Variants in ADGRL3 observed in about 807,000 individuals in gnomAD.
ADGRL3 encodes the protein calcium-independent alpha-latrotoxin receptor 3.
A neutral mutation model predicts 153.5 loss-of-function variants in ADGRL3; 62 were observed. The observed-to-expected ratio is 0.40, with a 90% CI of 0.33 to 0.50. The LOEUF is 0.50. ADGRL3 is among the 20% of genes least tolerant of loss of function. The pLI, the probability that ADGRL3 is intolerant of heterozygous loss-of-function variation, is 0.47. For synonymous variants in ADGRL3, 710 were observed against 672.5 expected, an observed-to-expected ratio of 1.06 and a Z score of -0.86; for missense variants, 1,641 against 1,859.4, an observed-to-expected ratio of 0.88 and a Z score of 2.16.
chr4:61,751,137 G>A (rs1268583679), intron 8 of ADGRL3, among the ~76,000 whole-genome samples: 1 of 152,126 alleles, frequency 6.6e-6, no homozygotes, highest in Non-Finnish European at 1.5e-5. Context: ...TCTAACTAAT[G>A]CCTGATGATC....
intron 8 of ADGRL3, among the ~76,000 whole-genome samples, chr4:61,789,656 T>C (rs1344664448): frequency 6.6e-6 from 1 of 152,184 alleles, no homozygotes; most frequent in Non-Finnish European, 1.5e-5. Context: ...TGCTTCATAG[T>C]AAAATTGACT....
At chr4:61,315,447 G>A (rs1006082601) in intron 1 of ADGRL3, among the ~76,000 whole-genome samples, 1 of 152,190 alleles carries the variant, frequency 6.6e-6, no homozygotes, top group Non-Finnish European at 1.5e-5. Flanking sequence ...CATTCATGGT[G>A]GTGAGGCTCA....
At chr4:61,230,379 C>T (rs1750080368) in intron 1 of ADGRL3, among the ~76,000 whole-genome samples, 1 of 152,114 alleles carries the variant, frequency 6.6e-6, no homozygotes, top group Non-Finnish European at 1.5e-5. Flanking sequence ...TATAAGTGTT[C>T]CACATGCTGC....
chr4:61,336,657 A>G (rs973116339), intron 1 of ADGRL3, among the ~76,000 whole-genome samples: 4 of 151,342 alleles, frequency 2.6e-5, no homozygotes, highest in Non-Finnish European at 5.9e-5. Flanking sequence ...TCCTCTGTCA[A>G]CCTGCCAGCC....
At chr4:61,237,034 A>G (rs1260679406) in intron 1 of ADGRL3, among the ~76,000 whole-genome samples, 2 of 152,062 alleles carry the variant, frequency 1.3e-5, no homozygotes, top group Non-Finnish European at 2.9e-5. Context: ...AACTTTATTT[A>G]CTCCTTCACA....
chr4:61,764,031 A>G (rs1185359689), intron 8 of ADGRL3, among the ~76,000 whole-genome samples: 3 of 152,238 alleles, frequency 2.0e-5, no homozygotes, highest in Admixed American at 1.3e-4. Context: ...TATCCAAGTC[A>G]TGTGAACATG....
chr4:61,443,155 C>G (rs909043814), intron 2 of ADGRL3, among the ~76,000 whole-genome samples: 1 of 152,084 alleles, frequency 6.6e-6, no homozygotes, highest in African/African-American at 2.4e-5. Flanking sequence ...CAACTAACGG[C>G]CATTTAGTCC....
intron 26 of ADGRL3, 71 bp from the exon 27 acceptor site, chr4:62,070,038 C>T: frequency 1.6e-6 from 2 of 1,244,010 alleles, no homozygotes; most frequent in Admixed American, 2.2e-5. Flanking sequence ...AATGTTTTTG[C>T]TTCTGTGTTT....
intron 23 of ADGRL3, among the ~76,000 whole-genome samples, chr4:62,032,638 G>A (rs1386472210): frequency 6.6e-6 from 1 of 151,384 alleles, no homozygotes; most frequent in Non-Finnish European, 1.5e-5. Context: ...ATTTTTCTTT[G>A]GAAAACAAAG....
intron 1 of ADGRL3, among the ~76,000 whole-genome samples, chr4:61,299,865 A>T (rs2094526878): frequency 6.6e-6 from 1 of 152,204 alleles, no homozygotes; most frequent in Admixed American, 6.5e-5. Flanking sequence ...AAAGATTACC[A>T]AGAAAATTTA....
At chr4:61,267,961 G>A (rs532540960) in intron 1 of ADGRL3, among the ~76,000 whole-genome samples, 1 of 151,708 alleles carries the variant, frequency 6.6e-6, no homozygotes, top group South Asian at 2.1e-4. Flanking sequence ...TTTTATGGAA[G>A]TATAGGAGCA....
At chr4:61,742,491 A>C (rs1224459086) in intron 8 of ADGRL3, among the ~76,000 whole-genome samples, 1 of 152,030 alleles carries the variant, frequency 6.6e-6, no homozygotes, top group Non-Finnish European at 1.5e-5. Context: ...CATGTTAGAC[A>C]GGATGGTCTC....
rs531381973 is a variant in ADGRL3 at position 61,869,280 on chromosome 4, C to T, written c.1481-23376C>T. On this transcript the variant is annotated intron_variant, in intron 9 of 26. Coordinates refer to ENST00000683033, the MANE Select transcript of ADGRL3 (RefSeq NM_001387552.1). ...TAACATGCCAAACATTTACCAAGTT[C>T]CTATTATGTAGCAAGTACTGAGAGA... is the stretch of plus-strand genomic sequence containing the variant. Among the ~76,000 whole-genome samples the T allele has an allele frequency of 5.3e-5, 8 of 152,180 alleles. No homozygotes were observed. The East Asian group carries it at 1.6e-3, about 30-fold the overall frequency.
At chr4:61,848,753 A>G (rs2098167335) in intron 9 of ADGRL3, among the ~76,000 whole-genome samples, 1 of 152,192 alleles carries the variant, frequency 6.6e-6, no homozygotes, top group Non-Finnish European at 1.5e-5. Context: ...TCATGCAAGG[A>G]TAAATTAAAT....
Position 61,935,931 on chromosome 4 carries a change from G to A in ADGRL3, c.2305G>A (p.Val769Ile). Residue 769 changes from valine (V) to isoleucine (I), a missense_variant, in exon 15 of 27, where the codon GTT becomes ATT. Physicochemically the swap from Val to Ile is conservative, Grantham distance 29. Coordinates refer to ENST00000683033, the MANE Select transcript of ADGRL3 (RefSeq NM_001387552.1). ...RENTDNIKLEVARLSTEGNLE... is the reference protein window; with the variant it reads ...RENTDNIKLEIARLSTEGNLE... ...CTCTTTGATATTAACAGAATTGGAAGTTGCAAGACTGAGCACAGAAGGAAA... is the reference window on the plus strand; with the variant it reads ...CTCTTTGATATTAACAGAATTGGAAATTGCAAGACTGAGCACAGAAGGAAA... 1 of 1,591,778 alleles carries A rather than the reference G, an allele frequency of 6.3e-7. No individual in the cohort carries two copies. Among genetic ancestry groups the A allele is most frequent in the African/African-American group, 1.3e-5 (1 of 74,638 alleles).
intron 13 of ADGRL3, among the ~76,000 whole-genome samples, chr4:61,934,550 A>G (rs899686535): frequency 1.3e-5 from 2 of 152,160 alleles, no homozygotes; most frequent in Non-Finnish European, 2.9e-5. Context: ...TTATGTGATC[A>G]TAGTCTTGTT....
At chr4:61,610,572 C>A (rs531495870) in intron 5 of ADGRL3, among the ~76,000 whole-genome samples, 4 of 152,172 alleles carry the variant, frequency 2.6e-5, no homozygotes, top group African/African-American at 9.6e-5. Flanking sequence ...TTTTCCAAGT[C>A]TAAGATAATT....
At chr4:61,583,751 A>G (rs1458158465) in intron 4 of ADGRL3, 5 of 517,928 alleles carry the variant, frequency 9.7e-6, no homozygotes, top group Non-Finnish European at 1.9e-5. Flanking sequence ...TCACATCTAA[A>G]ACTTTTCCAA....
chr4:61,368,789 G>A (rs1174355315), intron 1 of ADGRL3, among the ~76,000 whole-genome samples: 1 of 152,142 alleles, frequency 6.6e-6, no homozygotes, highest in Admixed American at 6.5e-5. Context: ...GCTTGAGGGG[G>A]ATGGCATTGA....
Sources: allele counts gnomAD v4.1 joint callset (sites outside exome capture counted in the v4.1 genomes callset), GRCh38; gene constraint gnomAD v4.1.1; transcripts MANE v1.5; gene names NCBI Gene and HGNC (gene_info 2026-07-23, HGNC 2026-07-21).